ANXA4: variants seen among roughly 807,000 people sequenced by gnomAD.
The protein encoded by ANXA4 is annexin A4.
In ANXA4, 39 loss-of-function variants were observed where a neutral mutation model predicts 49.8. The ratio of observed to expected loss-of-function variants is 0.78; its 90% CI spans 0.61 to 1.02. ANXA4 has a LOEUF of 1.02. Among genes scored for constraint, ANXA4 ranks in the 50% least tolerant of loss-of-function variants. ANXA4 has a pLI of 0.00. For missense variants in ANXA4, 360 were observed against 410.1 expected, an observed-to-expected ratio of 0.88 and a Z score of 1.05; for synonymous variants, 134 against 152.5, an observed-to-expected ratio of 0.88 and a Z score of 0.89.
intron 2 of ANXA4, among the ~76,000 whole-genome samples, chr2:69,671,760 T>C (rs1241934753): frequency 6.6e-6 from 1 of 152,056 alleles, no homozygotes; most frequent in Non-Finnish European, 1.5e-5. Context: ...GAATTGTGAA[T>C]AAGTACACAA....
At chr2:69,760,034 G>A (rs1340536021) in intron 1 of ANXA4, among the ~76,000 whole-genome samples, 1 of 151,940 alleles carries the variant, frequency 6.6e-6, no homozygotes, top group African/African-American at 2.4e-5. Context: ...GGGTTTCACC[G>A]TGTTAGCCAG....
chr2:69,731,420 G>T (rs770743601), intron 3 of ANXA4, among the ~76,000 whole-genome samples: 1 of 152,214 alleles, frequency 6.6e-6, no homozygotes, highest in Non-Finnish European at 1.5e-5. Flanking sequence ...GAGTGATGAT[G>T]CTGACTCTCG....
At chr2:69,664,920 C>T (rs1416941481) in intron 2 of ANXA4, among the ~76,000 whole-genome samples, 5 of 152,006 alleles carry the variant, frequency 3.3e-5, no homozygotes, top group Non-Finnish European at 5.9e-5. Flanking sequence ...CCGGCCAACA[C>T]GGCAAAACCC....
chr2:69,729,021 T>G (rs1670032386), intron 3 of ANXA4, among the ~76,000 whole-genome samples: 1 of 152,178 alleles, frequency 6.6e-6, no homozygotes, highest in Non-Finnish European at 1.5e-5. Context: ...CTCAATAATA[T>G]TTTTCTTTTT....
chr2:69,755,396 G>A (rs1355246106), intron 1 of ANXA4, among the ~76,000 whole-genome samples: 1 of 152,232 alleles, frequency 6.6e-6, no homozygotes, highest in Non-Finnish European at 1.5e-5. Flanking sequence ...GAGGCTGGCA[G>A]ATCACTTGAG....
intron 2 of ANXA4, among the ~76,000 whole-genome samples, chr2:69,714,183 C>T (rs1431981024): frequency 2.0e-5 from 3 of 152,132 alleles, no homozygotes; most frequent in Admixed American, 2.0e-4. Context: ...TCTGACAAGC[C>T]CTAGCTCTTT....
intron 1 of ANXA4, among the ~76,000 whole-genome samples, chr2:69,747,504 C>T (rs930437375): frequency 2.6e-5 from 4 of 152,186 alleles, no homozygotes; most frequent in Non-Finnish European, 4.4e-5. Context: ...TCTCACCCTT[C>T]TTGGAGTCAC....
rs34006125 is a variant in ANXA4, at chr2:69,702,164, A to G, written n.767-18610A>G. ...GCAGCTGTGATTACAGGTGTGCGCCACCACCCATGGCTCATTTTTTTGTGT... is the reference window on the plus strand; with the variant it reads ...GCAGCTGTGATTACAGGTGTGCGCCGCCACCCATGGCTCATTTTTTTGTGT... On this transcript the variant is annotated intron_variant and non_coding_transcript_variant, in intron 2 of 3. Transcript: ENST00000418066. 0.015 allele frequency among the ~76,000 whole-genome samples: 1,378 copies of G among 91,128 alleles called. 23 individuals carry two copies. The East Asian group carries it at 0.18, about 12-fold the overall frequency. 59.8% of individuals were successfully genotyped at this position (91,128 alleles called of 152,430 possible). A position where few individuals can be genotyped will look rare whatever the true frequency, so the allele number is the denominator to read the frequency against.
At chr2:69,682,919 G>A (rs554004752) in intron 2 of ANXA4, among the ~76,000 whole-genome samples, 3 of 152,136 alleles carry the variant, frequency 2.0e-5, no homozygotes, top group African/African-American at 7.2e-5. Context: ...TCTTCTTTGT[G>A]CTTTTCTAAT....
intron 1 of ANXA4, among the ~76,000 whole-genome samples, chr2:69,757,278 TTTTTTTTTTTTA>T (rs1671096477): frequency 8.9e-6 from 1 of 112,814 alleles, no homozygotes; most frequent in African/African-American, 4.8e-5. Flanking sequence ...TTTTTTTTTT[TTTTTTTTTTTTA>T]GGTGGAGTCT....
intron 2 of ANXA4, among the ~76,000 whole-genome samples, chr2:69,662,991 T>C (rs147590641): frequency 2.2e-5 from 3 of 134,152 alleles, no homozygotes; most frequent in African/African-American, 8.5e-5. Context: ...TTTTTCTTTT[T>C]CTTTTTTTTT....
At chr2:69,684,873 C>T (rs1001167548) in intron 2 of ANXA4, among the ~76,000 whole-genome samples, 1 of 152,058 alleles carries the variant, frequency 6.6e-6, no homozygotes, top group Non-Finnish European at 1.5e-5. Flanking sequence ...AGAGCATAAA[C>T]TTTGGTAAGC....
At chr2:69,798,773 C>T (rs894262566) in intron 3 of ANXA4, among the ~76,000 whole-genome samples, 6 of 152,156 alleles carry the variant, frequency 3.9e-5, no homozygotes, top group South Asian at 2.1e-4. Context: ...AAGTAGAGTC[C>T]GCTCCTTTAC....
intron 2 of ANXA4, among the ~76,000 whole-genome samples, chr2:69,784,005 G>A (rs1300984103): frequency 6.6e-6 from 1 of 151,892 alleles, no homozygotes; most frequent in African/African-American, 2.4e-5. Context: ...TGATCTTTTT[G>A]GCATGTATCT....
At chr2:69,645,828 T>C (rs1675991351) in intron 1 of ANXA4, among the ~76,000 whole-genome samples, 1 of 152,158 alleles carries the variant, frequency 6.6e-6, no homozygotes, top group African/African-American at 2.4e-5. Flanking sequence ...GCTTTACATA[T>C]ATTAAGTATA....
At chr2:69,788,374 G>A (rs577882329) in intron 3 of ANXA4, among the ~76,000 whole-genome samples, 1 of 152,168 alleles carries the variant, frequency 6.6e-6, no homozygotes, top group South Asian at 2.1e-4. Context: ...ACCCCATCTA[G>A]ACTAAAAATA....
chr2:69,791,832 A>G (rs1672705357), intron 3 of ANXA4, among the ~76,000 whole-genome samples: 1 of 152,264 alleles, frequency 6.6e-6, no homozygotes, highest in East Asian at 1.9e-4. Context: ...CAAAATGTCC[A>G]GTTTGGATAC....
chr2:69,825,365 A>G, intron 12 of ANXA4, 91 bp from the exon 13 acceptor site: 1 of 1,038,612 alleles, frequency 9.6e-7, no homozygotes, highest in Non-Finnish European at 1.4e-6. Context: ...AGAAAAATCC[A>G]GCCAAGCTTG....
In ANXA4 at chr2:69,820,556, G is replaced by A. The variant is rs892777453; in HGVS notation, c.784-143G>A. 5.5e-5 allele frequency: 48 copies of A among 874,324 alleles called. No individual in the cohort carries two copies. In the African/African-American group the frequency reaches 7.3e-4, roughly 13 times the overall value. 54.2% of individuals were successfully genotyped at this position (874,324 alleles called of 1,614,324 possible). ...AGCCTTGAATACCATGATAAAGAGT[G>A]AGGATATTCCTCAGGCCTGCCAAGT... On this transcript the variant is annotated intron_variant, in intron 11 of 12. Coordinates refer to ENST00000394295, the MANE Select transcript of ANXA4 (RefSeq NM_001153.5).
Sources: gnomAD v4.1 joint callset for allele counts (sites outside exome capture counted in the v4.1 genomes callset) on GRCh38, gnomAD v4.1.1 for gene constraint, MANE v1.5 for transcripts, NCBI Gene and HGNC (gene_info 2026-07-23, HGNC 2026-07-21) for gene names.